Variants in NUP210 observed in about 807,000 individuals in gnomAD.
The protein encoded by NUP210 is nucleoporin 210.
NUP210 carries 151 observed loss-of-function variants against 196.0 expected under a neutral mutation model. The observed-to-expected ratio is 0.77, with a 90% CI of 0.67 to 0.88. NUP210 has a LOEUF of 0.88. NUP210 is among the 40% of genes least tolerant of loss of function. The pLI is 0.00. For synonymous variants in NUP210, 1,070 were observed against 1,052.7 expected (o/e 1.02, Z -0.32); for missense variants, 2,314 against 2,493.7 (o/e 0.93, Z 1.53).
chr3:13,360,557 C>T (rs1698339424), intron 14 of NUP210, 66 bp from the exon 15 acceptor site: 1 of 1,292,982 alleles, frequency 7.7e-7, no homozygotes, highest in East Asian at 2.5e-5. Context: ...GCCGGGCATC[C>T]CAGCCCCACA....
At chr3:13,342,805 C>T (rs532616916) in intron 21 of NUP210, among the ~76,000 whole-genome samples, 1 of 152,320 alleles carries the variant, frequency 6.6e-6, no homozygotes, top group Admixed American at 6.5e-5. Flanking sequence ...GCCACTGACA[C>T]CCCAGTGAAC....
chr3:13,340,169 G>A lies in NUP210; in HGVS notation c.3291+67C>T, dbSNP rs1347308076. 1.7e-5 allele frequency: 27 copies of A among 1,605,590 alleles called. No homozygotes were observed. Among genetic ancestry groups the A allele is most frequent in the African/African-American group, 1.6e-4 (12 of 74,764 alleles). On this transcript the variant is annotated intron_variant, in intron 24 of 39. Transcript: ENST00000254508. This position sits in a 1 kb window ranked among gnomAD's most constrained non-coding sequence, Gnocchi z 4.0. ...AGTCACTGCACGCAGGGCCAGAGGC[G>A]GCGTGCCTGGAACCAGGTGGTGGCC... is the stretch of plus-strand genomic sequence containing the variant.
chr3:13,404,720 C>T (rs1009273138), intron 1 of NUP210, among the ~76,000 whole-genome samples: 5 of 152,148 alleles, frequency 3.3e-5, no homozygotes, highest in African/African-American at 1.2e-4. Context: ...TGTCTCTGCC[C>T]CTCACAGCTT....
intron 1 of NUP210, among the ~76,000 whole-genome samples, chr3:13,409,000 T>C (rs755790125): frequency 2.4e-4 from 36 of 152,200 alleles, no homozygotes; most frequent in Non-Finnish European, 4.6e-4. Context: ...CAAAGGCACC[T>C]GACTCTGTTC....
rs374690696 is a variant in NUP210, at chr3:13,403,715, T to C, written c.168-3854A>G. Reference sequence around the variant, plus strand: ...GCGGGTGCTAAATGCTCTTGTGACCTTCTTAAGAAAGTCCCTCCTCTCAGC... The same window carrying C: ...GCGGGTGCTAAATGCTCTTGTGACCCTCTTAAGAAAGTCCCTCCTCTCAGC... On this transcript the variant is annotated intron_variant, in intron 1 of 39. Transcript: ENST00000254508. 1.5e-4 allele frequency among the ~76,000 whole-genome samples: 23 copies of C among 152,252 alleles called. No individual in the cohort carries two copies. The South Asian group carries it at 4.8e-3, about 32-fold the overall frequency.
intron 20 of NUP210, among the ~76,000 whole-genome samples, chr3:13,349,319 G>A (rs140853050): frequency 8.1e-4 from 124 of 152,306 alleles, no homozygotes; most frequent in African/African-American, 2.9e-3. Flanking sequence ...GGGGCAGGAT[G>A]TCAGCTTTTC....
intron 1 of NUP210, among the ~76,000 whole-genome samples, chr3:13,417,397 G>C (rs958847288): frequency 2.0e-5 from 3 of 152,226 alleles, no homozygotes; most frequent in East Asian, 1.9e-4. Context: ...TGTAAACTTA[G>C]AGCTCAGCTG....
chr3:13,371,787 T>C, intron 13 of NUP210, 47 bp downstream of exon 13: 1 of 1,529,890 alleles, frequency 6.5e-7, no homozygotes, highest in Non-Finnish European at 8.9e-7. Flanking sequence ...CCAGACAATC[T>C]GGCCCCAATC....
intron 18 of NUP210, among the ~76,000 whole-genome samples, chr3:13,352,925 G>C (rs1363019991): frequency 6.6e-6 from 1 of 152,068 alleles, no homozygotes; most frequent in Non-Finnish European, 1.5e-5. Flanking sequence ...TCAGCTATGG[G>C]GGGTGGGGGG....
At chr3:13,329,543 C>G (rs1167447285) in intron 30 of NUP210, among the ~76,000 whole-genome samples, 1 of 152,224 alleles carries the variant, frequency 6.6e-6, no homozygotes, top group Non-Finnish European at 1.5e-5. Flanking sequence ...AGCTAGTGCT[C>G]AGTACATATT....
chr3:13,371,466 G>C (rs1194734061), intron 13 of NUP210, among the ~76,000 whole-genome samples: 3 of 152,182 alleles, frequency 2.0e-5, no homozygotes, highest in African/African-American at 7.2e-5. Context: ...AGATGGGTGG[G>C]CCTTGCCTGT....
chr3:13,405,330 C>T (rs747146427), intron 1 of NUP210, among the ~76,000 whole-genome samples: 1 of 152,128 alleles, frequency 6.6e-6, no homozygotes, highest in Non-Finnish European at 1.5e-5. Context: ...CCTTCAGACT[C>T]GAGCTGAAAC....
chr3:13,386,930 T>C (rs1559340350), intron 5 of NUP210, among the ~76,000 whole-genome samples: 1 of 152,180 alleles, frequency 6.6e-6, no homozygotes, highest in East Asian at 1.9e-4. Context: ...AACTTCGCAA[T>C]GGGAGAAAGA....
chr3:13,331,435 C>T (rs944076259), intron 29 of NUP210, among the ~76,000 whole-genome samples: 1 of 152,200 alleles, frequency 6.6e-6, no homozygotes, highest in Non-Finnish European at 1.5e-5. Flanking sequence ...CCACCAACCC[C>T]TTCCTCTTAA....
chr3:13,407,484 CAG>C (rs1385354429), intron 1 of NUP210, among the ~76,000 whole-genome samples: 4 of 152,288 alleles, frequency 2.6e-5, no homozygotes, highest in African/African-American at 9.6e-5. Context: ...AGGCCCAAAA[CAG>C]AGTTATTGGC....
At chr3:13,411,191 C>T (rs1700165144) in intron 1 of NUP210, among the ~76,000 whole-genome samples, 2 of 152,128 alleles carry the variant, frequency 1.3e-5, no homozygotes, top group African/African-American at 4.8e-5. Flanking sequence ...ATAATTGTGC[C>T]ACTGCACTGC....
At chr3:13,373,326 T>C (rs1302661698) in intron 12 of NUP210, among the ~76,000 whole-genome samples, 2 of 152,066 alleles carry the variant, frequency 1.3e-5, no homozygotes, top group African/African-American at 4.8e-5. Flanking sequence ...CAAAGGTGAG[T>C]GAAGAGAGAG....
At chr3:13,396,870 AGGGCAGT>A (rs1332668258) in intron 3 of NUP210, among the ~76,000 whole-genome samples, 1 of 151,662 alleles carries the variant, frequency 6.6e-6, no homozygotes, top group Non-Finnish European at 1.5e-5. Context: ...TGAAGATGTG[AGGGCAGT>A]GCCCTGGGCC....
At chr3:13,397,954 A>C (rs1699719794) in intron 2 of NUP210, among the ~76,000 whole-genome samples, 1 of 152,206 alleles carries the variant, frequency 6.6e-6, no homozygotes, top group South Asian at 2.1e-4. Flanking sequence ...GGGCACACCC[A>C]GAGATTTTTT....
Sources: allele counts gnomAD v4.1 joint callset (sites outside exome capture counted in the v4.1 genomes callset), GRCh38; gene constraint gnomAD v4.1.1; non-coding constraint Gnocchi (gnomAD v3.1); transcripts MANE v1.5; gene names NCBI Gene and HGNC (gene_info 2026-07-23, HGNC 2026-07-21).